The following CNKSR2 variants were observed in gnomAD, a reference collection of about 807,000 sequenced individuals.
The protein encoded by CNKSR2 is CNK homolog protein 2.
A neutral mutation model predicts 84.4 loss-of-function variants in CNKSR2; 14 were observed. The observed-to-expected ratio is 0.17, with a 90% CI of 0.11 to 0.26. CNKSR2 has a LOEUF of 0.26. CNKSR2 is among the 10% of genes least tolerant of loss of function. The probability of loss-of-function intolerance (pLI) is 1.00; values close to 1 mark genes in which losing one functional copy is unlikely to be tolerated. For synonymous variants in CNKSR2, 275 were observed against 277.9 expected (o/e 0.99, Z 0.10); for missense variants, 485 against 771.2 (o/e 0.63, Z 4.40).
At chrX:21,617,809 A>G (rs930618889) in intron 20 of CNKSR2, among the ~76,000 whole-genome samples, 2 of 110,669 alleles carry the variant, frequency 1.8e-5, no homozygotes, top group African/African-American at 6.6e-5. Context: ...TAGAAAATGT[A>G]GCAGTTGACC....
chrX:21,519,968 A>G (rs1245984583), intron 9 of CNKSR2, among the ~76,000 whole-genome samples: 1 of 111,388 alleles, frequency 9.0e-6, no homozygotes, highest in Admixed American at 9.5e-5. Context: ...GTCAAAGAAT[A>G]CCACGTTTTA....
At chrX:21,465,830 A>T (rs1224562382) in intron 4 of CNKSR2, among the ~76,000 whole-genome samples, 1 of 111,671 alleles carries the variant, frequency 9.0e-6, no homozygotes, top group Non-Finnish European at 1.9e-5. Flanking sequence ...TTGACAAAGT[A>T]TGGAGCATCA....
intron 1 of CNKSR2, among the ~76,000 whole-genome samples, chrX:21,399,111 G>A (rs901129071): frequency 9.0e-6 from 1 of 110,813 alleles, no homozygotes; most frequent in African/African-American, 3.3e-5. Flanking sequence ...CAATTATACA[G>A]ACCAGTAATA....
intron 8 of CNKSR2, among the ~76,000 whole-genome samples, chrX:21,515,666 CAA>C (rs1227218269): frequency 1.8e-5 from 2 of 111,301 alleles, no homozygotes; most frequent in Non-Finnish European, 3.8e-5. Flanking sequence ...AGCAAAGTAA[CAA>C]AAATTATTCT....
At chrX:21,581,181 G>A (rs765917083) in intron 13 of CNKSR2, among the ~76,000 whole-genome samples, 5 of 111,639 alleles carry the variant, frequency 4.5e-5, no homozygotes, top group Admixed American at 2.9e-4. Flanking sequence ...TCAATAATTA[G>A]GTCTCCATTG....
At chrX:21,625,113 C>CA (rs1436407610) in intron 20 of CNKSR2, among the ~76,000 whole-genome samples, 6 of 111,258 alleles carry the variant, frequency 5.4e-5, no homozygotes, top group African/African-American at 1.3e-4. Flanking sequence ...ACTCAGTTTT[C>CA]AAAAAAAGAT....
chrX:21,467,561 C>G (rs1481621214), intron 4 of CNKSR2, among the ~76,000 whole-genome samples: 2 of 111,828 alleles, frequency 1.8e-5, no homozygotes, highest in African/African-American at 6.5e-5. Flanking sequence ...TCCCAAATCT[C>G]TTAATGCAGA....
chrX:21,504,194 A>AGAGG lies in CNKSR2; in HGVS notation c.810+2607_810+2610dup, dbSNP rs1365426706. On this transcript the variant is annotated intron_variant, in intron 8 of 21. Transcript: ENST00000379510. ...TTTAATCTCTTATTAGATAATATAC[A>AGAGG]GAGGTGGTGAAATGGAAATTCTCTT... 14 of 110,983 alleles carry AGAGG rather than the reference A, an allele frequency of 1.3e-4. No individual in the cohort carries two copies. In the Admixed American group the frequency reaches 1.4e-3, roughly 11 times the overall value. The allele number at this position is 110,983 out of a possible 1,213,427, so 9.1% of individuals were successfully genotyped here. A position where few individuals can be genotyped will look rare whatever the true frequency, so the allele number is the denominator to read the frequency against.
chrX:21,482,268 A>G (rs1483977214), intron 5 of CNKSR2, among the ~76,000 whole-genome samples: 1 of 112,334 alleles, frequency 8.9e-6, no homozygotes, highest in Non-Finnish European at 1.9e-5. Flanking sequence ...TGTCTTATTT[A>G]TTATAAATAC....
intron 1 of CNKSR2, among the ~76,000 whole-genome samples, chrX:21,408,917 T>C (rs2090301160): frequency 9.1e-6 from 1 of 110,003 alleles, no homozygotes; most frequent in Admixed American, 9.8e-5. Flanking sequence ...GCCAACAATA[T>C]GAATGTGGTG....
chrX:21,489,860 TG>T (rs2091424700), intron 5 of CNKSR2, among the ~76,000 whole-genome samples: 1 of 111,499 alleles, frequency 9.0e-6, no homozygotes, highest in Admixed American at 9.6e-5. Context: ...GAGTAGGGCA[TG>T]GTACCTGCCT....
At chrX:21,404,579 A>G (rs752919259) in intron 1 of CNKSR2, among the ~76,000 whole-genome samples, 1 of 109,321 alleles carries the variant, frequency 9.1e-6, no homozygotes, top group Admixed American at 9.9e-5. Context: ...ATTTGAAGTC[A>G]GGAGTTTGAG....
At chrX:21,449,087 C>CT (rs2090891775) in intron 4 of CNKSR2, among the ~76,000 whole-genome samples, 2 of 110,986 alleles carry the variant, frequency 1.8e-5, no homozygotes, top group South Asian at 7.7e-4. Context: ...GGCAGATCAC[C>CT]TGAGGTCAGG....
intron 1 of CNKSR2, among the ~76,000 whole-genome samples, chrX:21,392,564 A>C (rs1037335088): frequency 9.0e-6 from 1 of 111,284 alleles, no homozygotes; most frequent in African/African-American, 3.3e-5. Context: ...TCACTATCAC[A>C]AGAACAGCAA....
At chrX:21,425,952 T>A (rs186479240) in intron 1 of CNKSR2, 15 of 112,302 alleles carry the variant, frequency 1.3e-4, no homozygotes, top group African/African-American at 4.9e-4. Context: ...ATAAAGGATT[T>A]TGTGTTTTAT....
rs934427302 is a variant in CNKSR2, at chrX:21,617,179, A to G, written c.2692+7562A>G. ...TTATCTGCTATTATTTTCACACATC[A>G]AAAAAAAGCAAATCACTTCTCTTCA... On this transcript the variant is annotated intron_variant, in intron 20 of 21. Coordinates refer to ENST00000379510, the MANE Select transcript of CNKSR2 (RefSeq NM_014927.5). Among the ~76,000 whole-genome samples the G allele has an allele frequency of 4.5e-5, 5 of 111,130 alleles. No individual in the cohort carries two copies. The Admixed American group carries it at 4.8e-4, about 11-fold the overall frequency.
At position 21,538,331 on chromosome X, in the gene CNKSR2, A is replaced by T. The variant is rs556331853; in HGVS notation, c.1303+6264A>T. The T allele has an allele frequency of 3.6e-5, 4 of 110,988 alleles. No individual in the cohort carries two copies. In the South Asian group the frequency reaches 1.5e-3, roughly 42 times the overall value. The allele number at this position is 110,988 out of a possible 1,213,427, so 9.1% of individuals were successfully genotyped here. ...TTCTGATGGAGGTTCTTTTTATGTGATCTGACACTTTTTTCTTACTGTTTT... is the reference window on the plus strand; with the variant it reads ...TTCTGATGGAGGTTCTTTTTATGTGTTCTGACACTTTTTTCTTACTGTTTT... On this transcript the variant is annotated intron_variant, in intron 11 of 21. Transcript: ENST00000379510.
chrX:21,435,780 AATT>A (rs2090695468), intron 3 of CNKSR2, among the ~76,000 whole-genome samples: 1 of 111,688 alleles, frequency 9.0e-6, no homozygotes, highest in African/African-American at 3.2e-5. Flanking sequence ...AAATGTTCAA[AATT>A]ATTATTAAAC....
At chrX:21,470,139 A>G (rs1423782226) in intron 4 of CNKSR2, among the ~76,000 whole-genome samples, 1 of 111,689 alleles carries the variant, frequency 9.0e-6, no homozygotes, top group East Asian at 2.8e-4. Flanking sequence ...CTTATTGTAT[A>G]TCAAGTAATT....
Sources: allele counts gnomAD v4.1 joint callset (sites outside exome capture counted in the v4.1 genomes callset), GRCh38; gene constraint gnomAD v4.1.1; transcripts MANE v1.5; gene names NCBI Gene and HGNC (gene_info 2026-07-23, HGNC 2026-07-21).